Variants in DOCK4 observed in about 807,000 individuals in gnomAD.
DOCK4 encodes the protein dedicator of cytokinesis 4, also known as dedicator of cytokinesis protein 4.
A neutral mutation model predicts 268.1 loss-of-function variants in DOCK4; 97 were observed. That is an observed-to-expected ratio of 0.36 (90% CI 0.31 to 0.43). The LOEUF (loss-of-function observed/expected upper bound fraction) is 0.43, where lower values mean the gene tolerates loss of function less well. Ranked by LOEUF, DOCK4 falls within the 20% of genes least tolerant of loss-of-function variation. The pLI is 1.00. For synonymous variants in DOCK4, 954 were observed against 887.2 expected, an observed-to-expected ratio of 1.08 and a Z score of -1.34; for missense variants, 2,145 against 2,455.7, an observed-to-expected ratio of 0.87 and a Z score of 2.67.
chr7:112,053,559 A>G (rs1219584029), intron 1 of DOCK4, among the ~76,000 whole-genome samples: 1 of 152,202 alleles, frequency 6.6e-6, no homozygotes, highest in Non-Finnish European at 1.5e-5. Context: ...GCTTAATTAC[A>G]AAGTGTTGCA....
intron 13 of DOCK4, among the ~76,000 whole-genome samples, chr7:111,911,543 CATGTCTGAAAGAACA>C (rs1312954384): frequency 6.6e-6 from 1 of 152,122 alleles, no homozygotes; most frequent in Admixed American, 6.6e-5. Flanking sequence ...ACTACAGACA[CATGTCTGAAAGAACA>C]ATTTTCCTGG....
chr7:111,903,821 T>C (rs1033129500), intron 13 of DOCK4, among the ~76,000 whole-genome samples: 1 of 152,170 alleles, frequency 6.6e-6, no homozygotes, highest in African/African-American at 2.4e-5. Flanking sequence ...GCAAAATATA[T>C]TGGCTAAAAA....
At chr7:111,729,979 T>C (rs1475377319) in intron 52 of DOCK4, among the ~76,000 whole-genome samples, 1 of 152,218 alleles carries the variant, frequency 6.6e-6, no homozygotes, top group African/African-American at 2.4e-5. Context: ...CATAAAGAAC[T>C]AGGAGTTCTG....
intron 23 of DOCK4, among the ~76,000 whole-genome samples, chr7:111,855,897 G>A (rs12154389): frequency 0.33 from 49,849 of 152,000 alleles, 8,262 homozygotes; most frequent in East Asian, 0.35. Flanking sequence ...TTTGTTGAAT[G>A]AATGGACTCC....
chr7:111,930,526 A>G (rs1291406135), intron 12 of DOCK4, among the ~76,000 whole-genome samples: 1 of 152,116 alleles, frequency 6.6e-6, no homozygotes, highest in African/African-American at 2.4e-5. Context: ...ATAGCAGGAG[A>G]AAGTGGGGAA....
At chr7:111,995,801 G>A (rs958045287) in intron 4 of DOCK4, among the ~76,000 whole-genome samples, 2 of 152,032 alleles carry the variant, frequency 1.3e-5, no homozygotes, top group African/African-American at 4.8e-5. Context: ...TCATTTCGCA[G>A]TGCTGCTAAA....
intron 26 of DOCK4, among the ~76,000 whole-genome samples, chr7:111,823,150 C>T (rs952830493): frequency 3.3e-5 from 5 of 150,720 alleles, no homozygotes; most frequent in East Asian, 1.9e-4. Context: ...ATCTTTAAAT[C>T]GATCACCTGA....
chr7:111,741,953 C>A (rs1795947421), intron 45 of DOCK4, 60 bp downstream of exon 45: 4 of 1,510,746 alleles, frequency 2.6e-6, no homozygotes, highest in Non-Finnish European at 3.5e-6. Context: ...ATCATCATCC[C>A]TTTAACAAGC....
chr7:111,901,830 T>TTA (rs1446132829), intron 13 of DOCK4, 29 bp from the exon 14 acceptor site: 26 of 1,471,566 alleles, frequency 1.8e-5, no homozygotes, highest in East Asian at 4.8e-5. Context: ...TAAAACCATG[T>TTA]TATATATATA....
Position 111,863,532 on chromosome 7 carries a change from G to A in DOCK4, c.2313C>T (p.Tyr771=), listed in dbSNP as rs1346230376. 2 of 1,611,200 alleles carry A rather than the reference G, an allele frequency of 1.2e-6. No individual in the cohort carries two copies. Among genetic ancestry groups the A allele is most frequent in the African/African-American group, 2.7e-5 (2 of 74,860 alleles). The change falls in exon 23 of 53, where the codon TAC becomes TAT. Residue 771 remains tyrosine, a synonymous_variant. Transcript: ENST00000428084. The part of the protein sequence containing the change: ...AVFLSSFPAV[Y]SELLKLFDVR... Reference sequence around the variant, plus strand: ...CATCAAAGAGCTTCAACAGTTCTGAGTACACGGCAGGGAAAGAGCTCAGAA... The same window carrying A: ...CATCAAAGAGCTTCAACAGTTCTGAATACACGGCAGGGAAAGAGCTCAGAA...
chr7:111,742,201 C>G (rs548916917), intron 44 of DOCK4, 69 bp from the exon 45 acceptor site: 13 of 1,463,626 alleles, frequency 8.9e-6, no homozygotes, highest in Non-Finnish European at 1.2e-5. Context: ...TGCTATGGGC[C>G]GAGCACTTTA....
chr7:112,198,348 T>C (rs1021699008), intron 1 of DOCK4, among the ~76,000 whole-genome samples: 1 of 152,182 alleles, frequency 6.6e-6, no homozygotes, highest in African/African-American at 2.4e-5. Flanking sequence ...ATCTTGGACT[T>C]CCTAGCCTGC....
In DOCK4 at chr7:111,900,397, C is replaced by A; in HGVS notation, c.1457G>T (p.Arg486Leu). The A allele has an allele frequency of 6.2e-7, 1 of 1,613,226 alleles. No homozygotes were observed. The highest frequency in any genetic ancestry group is 8.5e-7 in the Non-Finnish European group (1 of 1,179,630). Residue 486 changes from arginine to leucine, a missense_variant, in exon 15 of 53, where the codon CGC becomes CTC. Physicochemically the swap from Arg to Leu is moderately radical, Grantham distance 102 (BLOSUM62 -2). This residue lies in a region of DOCK4 where 1,598 missense variants were observed against 1,986.7 expected (regional missense o/e 0.80). Coordinates refer to ENST00000428084, the MANE Select transcript of DOCK4 (RefSeq NM_001363540.2). ...PVDKFRGAHI[R>L]FEFRHCSTKE... is the part of the protein sequence containing the mutation. The stretch of plus-strand genomic sequence containing the variant: ...ACTGGAACAATGCCGAAACTCGAAG[C>A]GGATGTGTGCACCCCGGAATTTATC...
At chr7:111,940,298 T>A in intron 10 of DOCK4, 56 bp from the exon 11 acceptor site, 1 of 1,606,994 alleles carries the variant, frequency 6.2e-7, no homozygotes, top group South Asian at 1.1e-5. Flanking sequence ...AGATGCATCT[T>A]AGGTAGCGAA....
chr7:111,766,110 C>T (rs991753035), intron 38 of DOCK4, among the ~76,000 whole-genome samples: 1 of 152,170 alleles, frequency 6.6e-6, no homozygotes, highest in African/African-American at 2.4e-5. Context: ...GCAGTGCCTG[C>T]CAGAGTCAAC....
intron 26 of DOCK4, among the ~76,000 whole-genome samples, chr7:111,823,837 T>G (rs958070065): frequency 6.6e-6 from 1 of 152,202 alleles, no homozygotes; most frequent in Non-Finnish European, 1.5e-5. Flanking sequence ...ACGTTAAACA[T>G]GTAAGCTGCT....
At chr7:111,978,272 C>T (rs563841448) in intron 7 of DOCK4, among the ~76,000 whole-genome samples, 2 of 152,320 alleles carry the variant, frequency 1.3e-5, no homozygotes, top group South Asian at 4.1e-4. Flanking sequence ...TGCTCTACTG[C>T]CTAGGCTGGA....
intron 1 of DOCK4, among the ~76,000 whole-genome samples, chr7:112,187,366 A>T (rs908002648): frequency 2.7e-4 from 41 of 152,220 alleles, no homozygotes; most frequent in African/African-American, 9.6e-4. Context: ...AATTGTCTAC[A>T]TGCGAATAAT....
At chr7:111,784,311 G>T (rs1234963644) in intron 32 of DOCK4, 188 bp from the exon 33 acceptor site, 1 of 736,408 alleles carries the variant, frequency 1.4e-6, no homozygotes, top group Non-Finnish European at 2.4e-6. Context: ...ACTGCAAAAA[G>T]CAAAAACAGG....
Sources: gnomAD v4.1 joint callset for allele counts (sites outside exome capture counted in the v4.1 genomes callset) on GRCh38, gnomAD v4.1.1 for gene constraint, gnomAD v4.1.1 regional missense constraint, MANE v1.5 for transcripts, NCBI Gene and HGNC (gene_info 2026-07-23, HGNC 2026-07-21) for gene names.